Variants in PDE3A observed in about 807,000 individuals in gnomAD.
PDE3A encodes phosphodiesterase 3A.
In PDE3A, 43 loss-of-function variants were observed where a neutral mutation model predicts 98.3. That is an observed-to-expected ratio of 0.44 (90% CI 0.34 to 0.56). PDE3A has a LOEUF of 0.56. PDE3A is among the 20% of genes least tolerant of loss of function. PDE3A has a pLI of 0.01. For synonymous variants in PDE3A, 663 were observed against 567.9 expected (o/e 1.17, Z -2.38); for missense variants, 1,427 against 1,440.7 (o/e 0.99, Z 0.15).
At chr12:20,371,259 A>C in intron 1 of PDE3A, 1 of 541,798 alleles carries the variant, frequency 1.8e-6, no homozygotes, top group Non-Finnish European at 2.4e-6. Context: ...CCCAATTTTA[A>C]ATGCATACGG....
chr12:20,417,997 GCTGT>G (rs1251220803), intron 1 of PDE3A, among the ~76,000 whole-genome samples: 1 of 151,924 alleles, frequency 6.6e-6, no homozygotes, highest in Admixed American at 6.6e-5. Context: ...GGAATTGCAG[GCTGT>G]CTGTCTCTGA....
chr12:20,645,193 T>C (rs1458960771), intron 10 of PDE3A, among the ~76,000 whole-genome samples: 1 of 151,994 alleles, frequency 6.6e-6, no homozygotes, highest in Non-Finnish European at 1.5e-5. Flanking sequence ...CTGGCCAGAG[T>C]TGAGTTTCTT....
At chr12:20,416,307 C>T (rs997103379) in intron 1 of PDE3A, among the ~76,000 whole-genome samples, 2 of 152,170 alleles carry the variant, frequency 1.3e-5, no homozygotes, top group Non-Finnish European at 2.9e-5. Flanking sequence ...TTATGTGAAA[C>T]AGACAAACTA....
chr12:20,379,873 A>T (rs567710507), intron 1 of PDE3A, among the ~76,000 whole-genome samples: 7 of 151,954 alleles, frequency 4.6e-5, no homozygotes, highest in African/African-American at 1.4e-4. Flanking sequence ...TCCCATGTTC[A>T]GCATGAGTCC....
intron 9 of PDE3A, among the ~76,000 whole-genome samples, chr12:20,639,020 A>G (rs1944584358): frequency 6.6e-6 from 1 of 152,118 alleles, no homozygotes; most frequent in African/African-American, 2.4e-5. Flanking sequence ...TGCTTCTCAT[A>G]TCTTCATAAA....
chr12:20,538,335 T>G (rs1285139957), intron 1 of PDE3A, among the ~76,000 whole-genome samples: 2 of 152,048 alleles, frequency 1.3e-5, no homozygotes, highest in Non-Finnish European at 2.9e-5. Context: ...TCTAGAATCC[T>G]ATATTGCTTC....
intron 15 of PDE3A, among the ~76,000 whole-genome samples, chr12:20,676,176 C>T (rs1945633589): frequency 6.6e-6 from 1 of 152,024 alleles, no homozygotes; most frequent in Admixed American, 6.6e-5. Flanking sequence ...GGGTTTTATA[C>T]TTTCAAGTGT....
chr12:20,664,933 T>G (rs561347008), intron 15 of PDE3A, among the ~76,000 whole-genome samples: 10 of 152,200 alleles, frequency 6.6e-5, no homozygotes, highest in Admixed American at 5.2e-4. Flanking sequence ...GAAAACAGGG[T>G]TGTCTCTGAT....
intron 1 of PDE3A, among the ~76,000 whole-genome samples, chr12:20,408,436 C>T (rs2028744): frequency 6.6e-6 from 1 of 152,138 alleles, no homozygotes; most frequent in Non-Finnish European, 1.5e-5. Flanking sequence ...GTTTAATTTA[C>T]ATGGCTGTTT....
chr12:20,433,631 A>G (rs981320413), intron 1 of PDE3A, among the ~76,000 whole-genome samples: 18 of 152,294 alleles, frequency 1.2e-4, no homozygotes, highest in Non-Finnish European at 2.1e-4. Context: ...AATACTGTAC[A>G]TATTTTACTA....
chr12:20,381,188 C>T (rs1202800884), intron 1 of PDE3A, among the ~76,000 whole-genome samples: 4 of 151,720 alleles, frequency 2.6e-5, no homozygotes, highest in Admixed American at 6.6e-5. Flanking sequence ...GTGGAACTTC[C>T]TTAAGCAATT....
intron 2 of PDE3A, among the ~76,000 whole-genome samples, chr12:20,567,307 G>A (rs966209177): frequency 6.6e-6 from 1 of 151,968 alleles, no homozygotes; most frequent in Non-Finnish European, 1.5e-5. Context: ...AGCAGCCCTT[G>A]AGGAATTAGT....
intron 1 of PDE3A, among the ~76,000 whole-genome samples, chr12:20,455,796 T>C (rs1945143009): frequency 1.3e-5 from 2 of 152,212 alleles, no homozygotes; most frequent in African/African-American, 2.4e-5. Context: ...ATTAAAAAGA[T>C]TGGGAAAGGT....
chr12:20,555,628 C>G (rs932052830), intron 1 of PDE3A, among the ~76,000 whole-genome samples: 3 of 152,146 alleles, frequency 2.0e-5, no homozygotes, highest in African/African-American at 4.8e-5. Flanking sequence ...ATACTGTTAG[C>G]TTTTGATTGA....
chr12:20,424,306 C>T (rs1418052601), intron 1 of PDE3A, among the ~76,000 whole-genome samples: 1 of 151,994 alleles, frequency 6.6e-6, no homozygotes, highest in South Asian at 2.1e-4. Flanking sequence ...ATTTGGAGAG[C>T]GGATAATTTA....
chr12:20,386,082 A>AATATATATAAAT lies in PDE3A; in HGVS notation c.960+15845_960+15846insTAAATATATATA, dbSNP rs1472136882. Among the ~76,000 whole-genome samples the AATATATATAAAT allele has an allele frequency of 3.3e-4, 9 of 27,388 alleles. 1 individual carries two copies. Among genetic ancestry groups the AATATATATAAAT allele is most frequent in the African/African-American group, 8.3e-4 (8 of 9,630 alleles). The allele number at this position is 27,388 out of a possible 152,430, so 18.0% of individuals were successfully genotyped here. On this transcript the variant is annotated intron_variant, in intron 1 of 15. Coordinates refer to ENST00000359062, the MANE Select transcript of PDE3A (RefSeq NM_000921.5). The stretch of plus-strand genomic sequence containing the variant: ...TATAAATATATATAAAATATATATA[A>AATATATATAAAT]ATATATAAATATATATAAATATATA...
At chr12:20,432,587 G>C (rs534607006) in intron 1 of PDE3A, among the ~76,000 whole-genome samples, 1 of 152,224 alleles carries the variant, frequency 6.6e-6, no homozygotes, top group East Asian at 1.9e-4. Context: ...TTTAATATGT[G>C]TAGCTTTTTG....
intron 2 of PDE3A, among the ~76,000 whole-genome samples, chr12:20,585,936 C>CTGTT (rs1281908577): frequency 6.6e-6 from 1 of 152,130 alleles, no homozygotes; most frequent in Non-Finnish European, 1.5e-5. Context: ...GTGAATGATA[C>CTGTT]TGTTTGATGG....
chr12:20,527,219 T>G (rs1457171418), intron 1 of PDE3A, among the ~76,000 whole-genome samples: 1 of 151,952 alleles, frequency 6.6e-6, no homozygotes, highest in Non-Finnish European at 1.5e-5. Context: ...TTTGTTTTGT[T>G]TTTGTTTGTT....
Sources: gnomAD v4.1 joint callset for allele counts (sites outside exome capture counted in the v4.1 genomes callset) on GRCh38, gnomAD v4.1.1 for gene constraint, MANE v1.5 for transcripts, NCBI Gene and HGNC (gene_info 2026-07-23, HGNC 2026-07-21) for gene names.